Variants in EDIL3 observed in about 807,000 individuals in gnomAD.
The protein encoded by EDIL3 is EGF-like repeat and discoidin I-like domain-containing protein 3.
In EDIL3, 37 loss-of-function variants were observed where a neutral mutation model predicts 67.4. The ratio of observed to expected loss-of-function variants is 0.55; its 90% CI spans 0.42 to 0.72. The LOEUF (loss-of-function observed/expected upper bound fraction) is 0.72. EDIL3 is among the 30% of genes least tolerant of loss of function. EDIL3 has a pLI of 0.00. For missense variants in EDIL3, 527 were observed against 586.3 expected, an observed-to-expected ratio of 0.90 and a Z score of 1.04; for synonymous variants, 195 against 196.3, an observed-to-expected ratio of 0.99 and a Z score of 0.05.
chr5:84,059,731 T>C (rs1241864218), intron 9 of EDIL3, among the ~76,000 whole-genome samples: 2 of 152,266 alleles, frequency 1.3e-5, no homozygotes, highest in South Asian at 2.1e-4. Context: ...ATAAGAGAAT[T>C]TCATGAAGAT....
chr5:83,943,925 GA>G (rs1305029483), intron 10 of EDIL3, among the ~76,000 whole-genome samples: 4 of 152,006 alleles, frequency 2.6e-5, no homozygotes, highest in Non-Finnish European at 5.9e-5. Flanking sequence ...GGGTGACTCA[GA>G]GATCCAAGCT....
chr5:83,991,800 C>G (rs751153068), intron 9 of EDIL3, among the ~76,000 whole-genome samples: 1 of 152,130 alleles, frequency 6.6e-6, no homozygotes, highest in African/African-American at 2.4e-5. Context: ...TTCCTTCCTA[C>G]CGTTTTTCCT....
At chr5:84,028,595 C>T (rs1745860307) in intron 9 of EDIL3, among the ~76,000 whole-genome samples, 1 of 151,868 alleles carries the variant, frequency 6.6e-6, no homozygotes, top group Admixed American at 6.6e-5. Flanking sequence ...ACACACGTGA[C>T]ATAATCAATG....
intron 6 of EDIL3, among the ~76,000 whole-genome samples, chr5:84,070,832 A>C (rs2112245632): frequency 6.6e-6 from 1 of 152,256 alleles, no homozygotes; most frequent in Admixed American, 6.5e-5. Flanking sequence ...GTAAAGCCTT[A>C]GTGTAAGTGG....
At chr5:83,971,550 T>C (rs927609530) in intron 9 of EDIL3, among the ~76,000 whole-genome samples, 1 of 152,074 alleles carries the variant, frequency 6.6e-6, no homozygotes, top group African/African-American at 2.4e-5. Context: ...TATATGCTCT[T>C]GAAATTTGGT....
intron 3 of EDIL3, among the ~76,000 whole-genome samples, chr5:84,194,931 C>G (rs1401152113): frequency 6.6e-6 from 1 of 151,912 alleles, no homozygotes; most frequent in Admixed American, 6.6e-5. Flanking sequence ...AAAAATTACA[C>G]TTTAATATCA....
chr5:83,969,089 T>A (rs1744746503), intron 9 of EDIL3, among the ~76,000 whole-genome samples: 1 of 151,820 alleles, frequency 6.6e-6, no homozygotes. Context: ...CATCCATATT[T>A]GCAGGCAATT....
At position 84,063,921 on chromosome 5, in the gene EDIL3, T is replaced by C. The variant is rs183070228; in HGVS notation, c.952+779A>G. Among the ~76,000 whole-genome samples the C allele has an allele frequency of 1.2e-3, 184 of 152,256 alleles. 1 individual carries two copies. The highest frequency in any genetic ancestry group is 4.2e-3 in the African/African-American group (176 of 41,580). ...GTGATGCCAGAAATGTAAGAACAAC[T>C]ACCAAAAATATAACAAGTGAAATGC... On this transcript the variant is annotated intron_variant, in intron 8 of 10. Coordinates refer to ENST00000296591, the MANE Select transcript of EDIL3 (RefSeq NM_005711.5).
intron 9 of EDIL3, among the ~76,000 whole-genome samples, chr5:84,056,176 C>T (rs983999835): frequency 6.6e-6 from 1 of 152,114 alleles, no homozygotes; most frequent in African/African-American, 2.4e-5. Context: ...TTTGTAGGGA[C>T]ATGGATGAAG....
intron 2 of EDIL3, among the ~76,000 whole-genome samples, chr5:84,231,285 C>T (rs919840534): frequency 3.3e-5 from 5 of 152,166 alleles, no homozygotes; most frequent in African/African-American, 7.2e-5. Flanking sequence ...AGAAGTTTGT[C>T]TGAAGCAGCT....
chr5:84,176,214 T>TATATATATATAAA (rs1554071696), intron 4 of EDIL3, among the ~76,000 whole-genome samples: 128 of 133,312 alleles, frequency 9.6e-4, no homozygotes, highest in African/African-American at 3.9e-3. Flanking sequence ...TATATATATA[T>TATATATATATAAA]ATATATATAT....
chr5:84,258,737 T>A (rs1342249013), intron 1 of EDIL3, among the ~76,000 whole-genome samples: 2 of 152,114 alleles, frequency 1.3e-5, no homozygotes, highest in African/African-American at 2.4e-5. Context: ...ACGGCCATAA[T>A]CTCAGTGGTT....
chr5:84,081,899 T>C (rs902748654), intron 6 of EDIL3, among the ~76,000 whole-genome samples: 5 of 152,338 alleles, frequency 3.3e-5, no homozygotes, highest in African/African-American at 9.6e-5. Flanking sequence ...ACAGGGTCCA[T>C]ATGAATGCTC....
In EDIL3 at chr5:84,066,403, T is replaced by G. The variant is rs181154968; in HGVS notation, c.807+48A>C. ...ACCTTGTCATTTGATAATCAATAATTATCAATGACATTTTTCTTTTAAATT... is the reference window on the plus strand; with the variant it reads ...ACCTTGTCATTTGATAATCAATAATGATCAATGACATTTTTCTTTTAAATT... On this transcript the variant is annotated intron_variant, in intron 7 of 10. Transcript: ENST00000296591. 4,047 of 1,529,158 alleles carry G rather than the reference T, an allele frequency of 2.6e-3. 7 individuals carry two copies. Among genetic ancestry groups the G allele is most frequent in the Non-Finnish European group, 3.1e-3 (3,565 of 1,140,848 alleles). The allele number at this position is 1,529,158 out of a possible 1,614,324, so 94.7% of individuals were successfully genotyped here. A position where few individuals can be genotyped will look rare whatever the true frequency, so the allele number is the denominator to read the frequency against.
At chr5:84,172,501 G>A (rs1232513310) in intron 4 of EDIL3, among the ~76,000 whole-genome samples, 5 of 151,974 alleles carry the variant, frequency 3.3e-5, no homozygotes, top group Non-Finnish European at 7.4e-5. Flanking sequence ...GATCATTTGA[G>A]CCCAGGAGAT....
intron 9 of EDIL3, among the ~76,000 whole-genome samples, chr5:84,036,615 T>G (rs985081612): frequency 1.4e-4 from 21 of 152,114 alleles, no homozygotes; most frequent in Admixed American, 6.6e-5. Flanking sequence ...GGTGGGAATT[T>G]TAAGAAGTCC....
chr5:84,272,774 T>A (rs1298573081), intron 1 of EDIL3, among the ~76,000 whole-genome samples: 1 of 152,196 alleles, frequency 6.6e-6, no homozygotes, highest in Non-Finnish European at 1.5e-5. Context: ...TTGTAATTGT[T>A]ATCTGAACAC....
intron 1 of EDIL3, among the ~76,000 whole-genome samples, chr5:84,304,346 T>A (rs149378211): frequency 1.3e-4 from 20 of 152,280 alleles, no homozygotes; most frequent in Middle Eastern, 3.4e-3. Context: ...TCACCTAGGG[T>A]GCACCAAAAT....
At chr5:84,337,781 A>G (rs1053976318) in intron 1 of EDIL3, among the ~76,000 whole-genome samples, 6 of 152,122 alleles carry the variant, frequency 3.9e-5, no homozygotes, top group Non-Finnish European at 7.4e-5. Context: ...AATGGTGTGA[A>G]TATTTCATTT....
Sources: gnomAD v4.1 joint callset for allele counts (sites outside exome capture counted in the v4.1 genomes callset) on GRCh38, gnomAD v4.1.1 for gene constraint, MANE v1.5 for transcripts, NCBI Gene and HGNC (gene_info 2026-07-23, HGNC 2026-07-21) for gene names.